GABRG3: variants seen among roughly 807,000 people sequenced by gnomAD.
GABRG3 encodes the protein gamma-aminobutyric acid receptor subunit gamma-3.
GABRG3 carries 25 observed loss-of-function variants against 48.8 expected under a neutral mutation model. The observed-to-expected ratio is 0.51, with a 90% CI of 0.37 to 0.72. The LOEUF (loss-of-function observed/expected upper bound fraction) is 0.72. Ranked by LOEUF, GABRG3 falls within the 30% of genes least tolerant of loss-of-function variation. GABRG3 has a pLI of 0.00. For missense variants in GABRG3, 394 were observed against 577.9 expected (o/e 0.68, Z 3.26); for synonymous variants, 227 against 217.6 (o/e 1.04, Z -0.38).
At chr15:27,160,847 A>G (rs2140403708) in intron 3 of GABRG3, among the ~76,000 whole-genome samples, 1 of 152,254 alleles carries the variant, frequency 6.6e-6, no homozygotes, top group African/African-American at 2.4e-5. Context: ...TCATATTAGG[A>G]TGAAAACTGG....
At chr15:27,196,848 C>G (rs1888512056) in intron 3 of GABRG3, among the ~76,000 whole-genome samples, 1 of 152,118 alleles carries the variant, frequency 6.6e-6, no homozygotes. Context: ...GAAGGTAATG[C>G]ATAAGAGCTC....
At chr15:27,204,443 G>A (rs1460494767) in intron 3 of GABRG3, among the ~76,000 whole-genome samples, 1 of 151,584 alleles carries the variant, frequency 6.6e-6, no homozygotes, top group Admixed American at 6.6e-5. Context: ...TTTACTTAGA[G>A]TTATAGTATA....
At chr15:27,249,493 T>C (rs1276205258) in intron 3 of GABRG3, among the ~76,000 whole-genome samples, 5 of 152,322 alleles carry the variant, frequency 3.3e-5, no homozygotes, top group African/African-American at 1.2e-4. Context: ...TTCAGAGTAC[T>C]GTCGCAGCCA....
intron 2 of GABRG3, among the ~76,000 whole-genome samples, chr15:27,007,742 T>C (rs987249453): frequency 6.6e-6 from 1 of 152,146 alleles, no homozygotes; most frequent in African/African-American, 2.4e-5. Flanking sequence ...CCTTTACCCA[T>C]TATTGATGGG....
chr15:26,975,558 G>T lies in GABRG3; in HGVS notation c.54-1444G>T, dbSNP rs1006081017. 6.6e-6 allele frequency among the ~76,000 whole-genome samples: 1 copy of T among 152,140 alleles called. No homozygotes were observed. Among genetic ancestry groups the T allele is most frequent in the African/African-American group, 2.4e-5 (1 of 41,404 alleles). On this transcript the variant is annotated intron_variant, in intron 1 of 9. Transcript: ENST00000615808. This position sits in a 1 kb window ranked among gnomAD's most constrained non-coding sequence, Gnocchi z 4.6. ...AACACTCTAGTCTACGTTATGGCTA[G>T]TTAACACGCTTTAAAAGACTCATGT...
intron 3 of GABRG3, among the ~76,000 whole-genome samples, chr15:27,177,470 C>T (rs1672062804): frequency 6.6e-6 from 1 of 152,206 alleles, no homozygotes; most frequent in Non-Finnish European, 1.5e-5. Flanking sequence ...TAACTTTGGC[C>T]TTTTGTTAGT....
intron 5 of GABRG3, among the ~76,000 whole-genome samples, chr15:27,346,677 A>T (rs1329316073): frequency 6.6e-6 from 1 of 150,620 alleles, no homozygotes; most frequent in African/African-American, 2.4e-5. Flanking sequence ...TAACTGACCT[A>T]TTTTTATGCT....
chr15:27,256,440 CAAAAA>C (rs532681313), intron 3 of GABRG3, among the ~76,000 whole-genome samples: 1 of 41,066 alleles, frequency 2.4e-5, no homozygotes, highest in African/African-American at 8.0e-5. Context: ...GACTCCGTCT[CAAAAA>C]AAAAAAAAAA....
At chr15:27,308,508 C>A (rs1382614946) in intron 3 of GABRG3, among the ~76,000 whole-genome samples, 2 of 146,508 alleles carry the variant, frequency 1.4e-5, no homozygotes, top group African/African-American at 2.5e-5. Context: ...TTTATATAAA[C>A]ATAATGTAAA....
At chr15:27,530,289 G>A (rs926428982) in intron 9 of GABRG3, among the ~76,000 whole-genome samples, 1 of 152,146 alleles carries the variant, frequency 6.6e-6, no homozygotes, top group African/African-American at 2.4e-5. Flanking sequence ...ACGGGGCTGC[G>A]CTATACACAC....
intron 3 of GABRG3, among the ~76,000 whole-genome samples, chr15:27,042,869 G>A (rs1165024776): frequency 6.6e-6 from 1 of 152,228 alleles, no homozygotes; most frequent in Admixed American, 6.5e-5. Flanking sequence ...CCTGTGGTGT[G>A]GCCTGGAAGT....
rs370992378 is a variant in GABRG3, at chr15:27,313,179, CAT to C, written c.271-13617_271-13616del. Among the ~76,000 whole-genome samples, 169 of 132,156 alleles carry C rather than the reference CAT, an allele frequency of 1.3e-3. 2 individuals are homozygous for C. The highest frequency in any genetic ancestry group is 9.3e-3 in the Middle Eastern group (2 of 216). The allele number at this position is 132,156 out of a possible 152,430, so 86.7% of individuals were successfully genotyped here. On this transcript the variant is annotated intron_variant, in intron 3 of 9. Transcript: ENST00000615808. ...GATAAAAGAGTCAATTCAGCAGAAA[CAT>C]ATATATATATATGTGTATATATATA...
At chr15:27,380,897 C>T (rs1167480434) in intron 5 of GABRG3, among the ~76,000 whole-genome samples, 1 of 151,728 alleles carries the variant, frequency 6.6e-6, no homozygotes, top group African/African-American at 2.4e-5. Flanking sequence ...TCCCGAGTAG[C>T]TGGGACTACA....
intron 6 of GABRG3, among the ~76,000 whole-genome samples, chr15:27,489,516 C>A (rs1187407225): frequency 2.0e-5 from 3 of 152,202 alleles, no homozygotes; most frequent in Admixed American, 2.0e-4. Flanking sequence ...TTTCCTATTT[C>A]TCCACATCCT....
chr15:27,190,633 C>G (rs1385857825), intron 3 of GABRG3, among the ~76,000 whole-genome samples: 1 of 151,924 alleles, frequency 6.6e-6, no homozygotes, highest in Non-Finnish European at 1.5e-5. Flanking sequence ...CTTTATTAGT[C>G]TTGCTAGCGG....
chr15:27,444,596 T>C (rs1006664172), intron 5 of GABRG3, among the ~76,000 whole-genome samples: 4 of 152,338 alleles, frequency 2.6e-5, no homozygotes, highest in South Asian at 2.1e-4. Flanking sequence ...ATAATCTTTG[T>C]CTTTTAATTA....
intron 3 of GABRG3, chr15:27,208,462 A>G (rs936969266): frequency 1.1e-5 from 2 of 186,844 alleles, no homozygotes; most frequent in South Asian, 1.2e-4. Flanking sequence ...TATTCAGGGC[A>G]TGAATACTGC....
chr15:27,054,916 T>A (rs879402317), intron 3 of GABRG3, among the ~76,000 whole-genome samples: 2 of 151,322 alleles, frequency 1.3e-5, no homozygotes, highest in African/African-American at 2.4e-5. Context: ...GGACCCTTGG[T>A]GGAATGGTTG....
At chr15:27,113,186 C>T (rs1566938609) in intron 3 of GABRG3, among the ~76,000 whole-genome samples, 1 of 151,638 alleles carries the variant, frequency 6.6e-6, no homozygotes. Flanking sequence ...TTTTTCTGAA[C>T]TTGTCTCTTG....
Sources: gnomAD v4.1 joint callset for allele counts (sites outside exome capture counted in the v4.1 genomes callset) on GRCh38, gnomAD v4.1.1 for gene constraint, Gnocchi (gnomAD v3.1) non-coding constraint, MANE v1.5 for transcripts, NCBI Gene and HGNC (gene_info 2026-07-23, HGNC 2026-07-21) for gene names.